NPNT: variants seen among roughly 807,000 people sequenced by gnomAD.
NPNT encodes nephronectin, also known as preosteoblast EGF-like repeat protein with MAM domain.
A neutral mutation model predicts 68.6 loss-of-function variants in NPNT; 45 were observed. The observed-to-expected ratio is 0.66, with a 90% CI of 0.52 to 0.84. The LOEUF (loss-of-function observed/expected upper bound fraction) is 0.84. Ranked by LOEUF, NPNT falls within the 40% of genes least tolerant of loss-of-function variation. The probability of loss-of-function intolerance (pLI) is 0.00; values close to 1 mark genes in which losing one functional copy is unlikely to be tolerated. For synonymous variants in NPNT, 233 were observed against 253.3 expected, an observed-to-expected ratio of 0.92 and a Z score of 0.76; for missense variants, 672 against 714.8, an observed-to-expected ratio of 0.94 and a Z score of 0.68.
intron 2 of NPNT, among the ~76,000 whole-genome samples, chr4:105,913,606 A>G (rs1317162495): frequency 2.0e-5 from 3 of 152,218 alleles, no homozygotes; most frequent in African/African-American, 4.8e-5. Flanking sequence ...TTCTCAATAT[A>G]TACAATACAA....
At chr4:105,965,855 A>G (rs1439493341) in intron 10 of NPNT, among the ~76,000 whole-genome samples, 1 of 152,156 alleles carries the variant, frequency 6.6e-6, no homozygotes, top group Non-Finnish European at 1.5e-5. Flanking sequence ...ATCCTTAAAC[A>G]CCTGCTGCCT....
chr4:105,970,831 G>C lies in NPNT; in HGVS notation c.*1841G>C. 3.2e-6 allele frequency: 1 copy of C among 313,152 alleles called. No individual in the cohort carries two copies. Among genetic ancestry groups the C allele is most frequent in the South Asian group, 2.8e-5 (1 of 35,772 alleles). The allele number at this position is 313,152 out of a possible 1,614,324, so 19.4% of individuals were successfully genotyped here. A position where few individuals can be genotyped will look rare whatever the true frequency, so the allele number is the denominator to read the frequency against. On this transcript the variant is annotated 3_prime_UTR_variant, in exon 12 of 12. Transcript: ENST00000379987. ...TTTAGAACTAAATAATTTGGACAAG[G>C]CTTAATTTAGGCATTTCCCTCTTGA...
chr4:105,959,872 C>T (rs770711870), intron 10 of NPNT, among the ~76,000 whole-genome samples: 12 of 147,986 alleles, frequency 8.1e-5, no homozygotes, highest in South Asian at 2.1e-4. Context: ...TGCAGTGGCG[C>T]GATCTCGGCT....
rs759258028 is a variant in NPNT at position 105,967,330 on chromosome 4, A to G, written c.1488A>G (p.Thr496=). Residue 496 remains threonine (T), a synonymous_variant, in exon 11 of 12, where the codon ACA becomes ACG. Transcript: ENST00000379987. ...RHKVTGLHSG[T]LQVFVRKHGA... is the part of the protein sequence containing the mutation. ...AGGTGACGGGGCTGCACTCTGGCAC[A>G]CTCCAGGTGTTTGTGAGAAAACACG... 1 of 1,611,016 alleles carries G rather than the reference A, an allele frequency of 6.2e-7. No homozygotes were observed. The highest frequency in any genetic ancestry group is 1.7e-4 in the Middle Eastern group (1 of 6,032).
chr4:105,954,874 A>G (rs1033831959), intron 8 of NPNT, among the ~76,000 whole-genome samples: 2 of 152,206 alleles, frequency 1.3e-5, no homozygotes, highest in African/African-American at 2.4e-5. Context: ...TAAAGCACAC[A>G]TTACCTGGGG....
intron 2 of NPNT, among the ~76,000 whole-genome samples, chr4:105,898,298 C>G (rs896165919): frequency 3.9e-5 from 5 of 126,696 alleles, no homozygotes; most frequent in Non-Finnish European, 8.0e-5. Context: ...ATTTCTCTCT[C>G]TCTCTCTCTC....
chr4:105,969,071 T>C lies in NPNT; in HGVS notation c.*81T>C. On this transcript the variant is annotated 3_prime_UTR_variant, in exon 12 of 12. Transcript: ENST00000379987. ...TCATCTTCTCTCCTCTTCTCCCTTT[T>C]ATCAGGCCTAGGAGAAGAGTGGGTC... The C allele has an allele frequency of 2.1e-6, 2 of 948,872 alleles. No individual in the cohort carries two copies. Among genetic ancestry groups the C allele is most frequent in the Non-Finnish European group, 1.6e-6 (1 of 611,682 alleles). The allele number at this position is 948,872 out of a possible 1,614,324, so 58.8% of individuals were successfully genotyped here. A position where few individuals can be genotyped will look rare whatever the true frequency, so the allele number is the denominator to read the frequency against.
chr4:105,940,639 G>A lies in NPNT; in HGVS notation c.763+3G>A. ...GGGTGATGGACTGACTTGTGTGTGT[G>A]AGTAGCACTTGTCTCTCAGCTTTAA... On this transcript the variant is annotated splice_donor_region_variant and intron_variant, in intron 7 of 11. Transcript: ENST00000379987. 1 of 1,612,276 alleles carries A rather than the reference G, an allele frequency of 6.2e-7. No individual in the cohort carries two copies. The highest frequency in any genetic ancestry group is 2.2e-5 in the East Asian group (1 of 44,844).
rs778618466 is a variant in NPNT, at chr4:105,971,171, C to T, written c.*2181C>T. On this transcript the variant is annotated 3_prime_UTR_variant, in exon 12 of 12. Coordinates refer to ENST00000379987, the MANE Select transcript of NPNT (RefSeq NM_001033047.3). ...TTCATCGGGTGCATTCTCTCTGCTT[C>T]GTGTGTGACAAGTTATCTTGGCTGC... 23 of 455,390 alleles carry T rather than the reference C, an allele frequency of 5.1e-5. No homozygotes were observed. The highest frequency in any genetic ancestry group is 2.0e-4 in the South Asian group (13 of 64,482). The allele number at this position is 455,390 out of a possible 1,614,324, so 28.2% of individuals were successfully genotyped here.
At chr4:105,949,039 T>C (rs1578663673) in intron 8 of NPNT, among the ~76,000 whole-genome samples, 1 of 152,224 alleles carries the variant, frequency 6.6e-6, no homozygotes, top group African/African-American at 2.4e-5. Flanking sequence ...AAATTCTTGT[T>C]GTTTCATTAA....
intron 3 of NPNT, among the ~76,000 whole-genome samples, chr4:105,933,767 G>A (rs62317727): frequency 0.013 from 1,953 of 152,118 alleles, 28 homozygotes; most frequent in Non-Finnish European, 0.02. Context: ...TAATAATGCT[G>A]TGCAGCTTGC....
At chr4:105,935,113 A>G (rs552423980) in intron 3 of NPNT, among the ~76,000 whole-genome samples, 100 of 152,292 alleles carry the variant, frequency 6.6e-4, no homozygotes, top group African/African-American at 2.3e-3. Context: ...GGAACTCACA[A>G]AAGTTTCTGT....
chr4:105,944,256 C>T (rs1309963617), intron 8 of NPNT, among the ~76,000 whole-genome samples: 1 of 152,110 alleles, frequency 6.6e-6, no homozygotes, highest in Non-Finnish European at 1.5e-5. Flanking sequence ...ATCTCAGATA[C>T]TGTCTTTTTC....
intron 4 of NPNT, 127 bp from the exon 5 acceptor site, chr4:105,938,174 G>A (rs542752637): frequency 2.6e-6 from 2 of 771,672 alleles, no homozygotes; most frequent in African/African-American, 3.5e-5. Flanking sequence ...ATGTTTGATA[G>A]TTAAGGCCTC....
chr4:105,915,497 C>A (rs918660432), intron 2 of NPNT, among the ~76,000 whole-genome samples: 29 of 152,014 alleles, frequency 1.9e-4, no homozygotes, highest in Admixed American at 9.2e-4. Context: ...GATAACAGTC[C>A]TATCTAGTAG....
intron 3 of NPNT, among the ~76,000 whole-genome samples, chr4:105,934,724 T>C (rs918110414): frequency 1.3e-5 from 2 of 152,232 alleles, no homozygotes; most frequent in Admixed American, 1.3e-4. Context: ...ACCCATTGAA[T>C]GTTGCATGTT....
chr4:105,928,415 A>G (rs1728850683), intron 3 of NPNT, among the ~76,000 whole-genome samples: 1 of 152,042 alleles, frequency 6.6e-6, no homozygotes, highest in Non-Finnish European at 1.5e-5. Flanking sequence ...GGAGTTCAAG[A>G]CCAGCCTGAC....
At chr4:105,909,540 A>G (rs567585286) in intron 2 of NPNT, among the ~76,000 whole-genome samples, 12 of 152,158 alleles carry the variant, frequency 7.9e-5, no homozygotes, top group African/African-American at 2.2e-4. Context: ...GAATTTTTTT[A>G]TATCTTTAAT....
intron 10 of NPNT, among the ~76,000 whole-genome samples, chr4:105,959,885 C>T (rs1174505834): frequency 2.0e-5 from 3 of 150,554 alleles, no homozygotes; most frequent in Non-Finnish European, 4.4e-5. Flanking sequence ...TCTCGGCTCA[C>T]TGCAACCTCT....
Sources: allele counts gnomAD v4.1 joint callset (sites outside exome capture counted in the v4.1 genomes callset), GRCh38; gene constraint gnomAD v4.1.1; transcripts MANE v1.5; gene names NCBI Gene and HGNC (gene_info 2026-07-23, HGNC 2026-07-21).